ROBO2: variants seen among roughly 807,000 people sequenced by gnomAD.
ROBO2 encodes roundabout guidance receptor 2.
In ROBO2, 53 loss-of-function variants were observed where a neutral mutation model predicts 160.8. That is an observed-to-expected ratio of 0.33 (90% CI 0.26 to 0.41). ROBO2 has a LOEUF of 0.41. Among genes scored for constraint, ROBO2 ranks in the 10% least tolerant of loss-of-function variants. The pLI is 1.00. For synonymous variants in ROBO2, 664 were observed against 611.7 expected, an observed-to-expected ratio of 1.09 and a Z score of -1.26; for missense variants, 1,577 against 1,722.4, an observed-to-expected ratio of 0.92 and a Z score of 1.49.
At chr3:76,967,043 A>G (rs1453854184) in intron 2 of ROBO2, among the ~76,000 whole-genome samples, 1 of 152,172 alleles carries the variant, frequency 6.6e-6, no homozygotes, top group East Asian at 1.9e-4. Context: ...TTCGCTGGGC[A>G]TATTGTATAC....
chr3:76,567,823 T>G (rs868282038), intron 2 of ROBO2, among the ~76,000 whole-genome samples: 2,435 of 119,456 alleles, frequency 0.02, 70 homozygotes, highest in African/African-American at 0.054. Context: ...TTTTTTTTTT[T>G]GGGGGGGGTT....
At chr3:76,236,470 G>A (rs893450881) in intron 2 of ROBO2, among the ~76,000 whole-genome samples, 2 of 152,090 alleles carry the variant, frequency 1.3e-5, no homozygotes, top group Non-Finnish European at 1.5e-5. Context: ...TTTTAGCAAG[G>A]TGAATGTCTT....
At chr3:76,263,478 C>A (rs1210601966) in intron 2 of ROBO2, among the ~76,000 whole-genome samples, 1 of 152,130 alleles carries the variant, frequency 6.6e-6, no homozygotes, top group Admixed American at 6.5e-5. Context: ...CTGCCTTGAC[C>A]TCCCAAAGTG....
intron 2 of ROBO2, among the ~76,000 whole-genome samples, chr3:76,255,795 C>T (rs560656123): frequency 1.3e-5 from 2 of 151,956 alleles, no homozygotes; most frequent in East Asian, 1.9e-4. Context: ...TTAAAAGCAA[C>T]TTCCTGGAAT....
At chr3:76,194,516 G>A (rs1380366396) in intron 2 of ROBO2, among the ~76,000 whole-genome samples, 1 of 151,456 alleles carries the variant, frequency 6.6e-6, no homozygotes, top group Admixed American at 6.6e-5. Flanking sequence ...CATAGTCACT[G>A]AGGACATATA....
intron 2 of ROBO2, among the ~76,000 whole-genome samples, chr3:76,863,327 G>A (rs745403885): frequency 4.6e-5 from 7 of 151,536 alleles, no homozygotes; most frequent in African/African-American, 1.5e-4. Flanking sequence ...CTCCTGTTAA[G>A]TTGTTGGTTG....
At chr3:77,204,523 T>C (rs1433708685) in intron 2 of ROBO2, among the ~76,000 whole-genome samples, 1 of 150,944 alleles carries the variant, frequency 6.6e-6, no homozygotes, top group African/African-American at 2.5e-5. Flanking sequence ...TTTGTTAGGC[T>C]TTTATAATTT....
chr3:76,212,124 T>C (rs1703183638), intron 2 of ROBO2, among the ~76,000 whole-genome samples: 1 of 152,004 alleles, frequency 6.6e-6, no homozygotes, highest in Non-Finnish European at 1.5e-5. Context: ...TTTAAGTAGG[T>C]GAACCAGCTA....
intron 2 of ROBO2, among the ~76,000 whole-genome samples, chr3:77,360,260 C>T (rs188459991): frequency 6.6e-6 from 1 of 151,096 alleles, no homozygotes; most frequent in Non-Finnish European, 1.5e-5. Flanking sequence ...CAACCCCCCC[C>T]CCAAATTTAG....
chr3:77,335,479 A>G (rs2066402722), intron 2 of ROBO2, among the ~76,000 whole-genome samples: 1 of 152,174 alleles, frequency 6.6e-6, no homozygotes, highest in African/African-American at 2.4e-5. Context: ...AGCTGTACCT[A>G]TGTTCTTTAA....
At chr3:76,312,132 T>C (rs1209348333) in intron 2 of ROBO2, among the ~76,000 whole-genome samples, 1 of 152,164 alleles carries the variant, frequency 6.6e-6, no homozygotes, top group East Asian at 1.9e-4. Flanking sequence ...TAAGCCAAAA[T>C]GATGGTGCAG....
intron 2 of ROBO2, among the ~76,000 whole-genome samples, chr3:76,531,086 C>G (rs991575333): frequency 6.6e-6 from 1 of 152,108 alleles, no homozygotes; most frequent in Non-Finnish European, 1.5e-5. Context: ...TCATAAAATT[C>G]TACTGAAAAT....
intron 2 of ROBO2, among the ~76,000 whole-genome samples, chr3:76,659,510 C>T (rs1195501629): frequency 1.3e-5 from 2 of 151,836 alleles, no homozygotes; most frequent in East Asian, 1.9e-4. Flanking sequence ...CTGTGAGAAT[C>T]GGCTCACCCT....
At chr3:76,838,237 G>A (rs1289581017) in intron 2 of ROBO2, among the ~76,000 whole-genome samples, 1 of 152,076 alleles carries the variant, frequency 6.6e-6, no homozygotes, top group Non-Finnish European at 1.5e-5. Context: ...CTTGAGAGTG[G>A]ATGGTGGGAG....
chr3:76,959,403 G>A (rs958916697), intron 2 of ROBO2, among the ~76,000 whole-genome samples: 1 of 152,064 alleles, frequency 6.6e-6, no homozygotes, highest in African/African-American at 2.4e-5. Context: ...TACTACTTTG[G>A]TGCAAACTAA....
chr3:76,594,762 A>G (rs1474331628), intron 2 of ROBO2, among the ~76,000 whole-genome samples: 1 of 152,066 alleles, frequency 6.6e-6, no homozygotes, highest in East Asian at 1.9e-4. Flanking sequence ...TCCCAAATTT[A>G]CTTTGAGGTC....
At chr3:77,197,204 A>G (rs914372853) in intron 2 of ROBO2, among the ~76,000 whole-genome samples, 3 of 152,188 alleles carry the variant, frequency 2.0e-5, no homozygotes, top group African/African-American at 4.8e-5. Flanking sequence ...CCAAATTCCA[A>G]AGCTGAAATT....
At chr3:76,284,579 T>A (rs1306328161) in intron 2 of ROBO2, among the ~76,000 whole-genome samples, 1 of 152,132 alleles carries the variant, frequency 6.6e-6, no homozygotes, top group African/African-American at 2.4e-5. Context: ...TCTCTCAGTG[T>A]GCAATAACAT....
chr3:76,854,313 T>A (rs2069803843), intron 2 of ROBO2, among the ~76,000 whole-genome samples: 1 of 152,130 alleles, frequency 6.6e-6, no homozygotes, highest in Non-Finnish European at 1.5e-5. Flanking sequence ...TAATGTAGGT[T>A]GCAATGAATA....
Sources: gnomAD v4.1 joint callset for allele counts (sites outside exome capture counted in the v4.1 genomes callset) on GRCh38, gnomAD v4.1.1 for gene constraint, MANE v1.5 for transcripts, NCBI Gene and HGNC (gene_info 2026-07-23, HGNC 2026-07-21) for gene names.